Variants in JMJD1C observed in about 807,000 individuals in gnomAD.
JMJD1C encodes the protein jumonji domain-containing protein 1C.
Under a neutral mutation model 245.3 loss-of-function variants are expected in JMJD1C, and 31 were observed. The ratio of observed to expected loss-of-function variants is 0.13; its 90% confidence interval spans 0.09 to 0.17. JMJD1C has a LOEUF of 0.17. Among genes scored for constraint, JMJD1C ranks in the 10% least tolerant of loss-of-function variants. The probability of loss-of-function intolerance (pLI) is 1.00; values close to 1 mark genes in which losing one functional copy is unlikely to be tolerated. For synonymous variants in JMJD1C, 1,057 were observed against 1,017.4 expected, an observed-to-expected ratio of 1.04 and a Z score of -0.74; for missense variants, 2,691 against 3,000.2, an observed-to-expected ratio of 0.90 and a Z score of 2.41.
intron 2 of JMJD1C, among the ~76,000 whole-genome samples, chr10:63,357,126 TGGGTTCCA>T (rs1944914047): frequency 6.6e-6 from 1 of 150,928 alleles, no homozygotes; most frequent in Admixed American, 6.6e-5. Context: ...CTCTGCCTCC[TGGGTTCCA>T]GTGATTCTCC....
intron 19 of JMJD1C, 92 bp downstream of exon 19, chr10:63,186,123 T>C: frequency 3.0e-6 from 3 of 998,362 alleles, no homozygotes; most frequent in South Asian, 2.9e-5. Context: ...AAAACAGATG[T>C]TTCAAAGACT....
rs190576282 is a variant in JMJD1C, at chr10:63,243,015, T to G, written c.447+21636A>C. Among the ~76,000 whole-genome samples, 553 of 150,642 alleles carry G rather than the reference T, an allele frequency of 3.7e-3. 2 individuals carry two copies. The highest frequency in any genetic ancestry group is 0.013 in the African/African-American group (520 of 41,134). ...ACAAAATTGGGAATGGAGTCCAAGA[T>G]GGACTGTTGTTCTATTGCCAATTTC... On this transcript the variant is annotated intron_variant, in intron 3 of 25. Coordinates refer to ENST00000399262, the MANE Select transcript of JMJD1C (RefSeq NM_032776.3).
Position 63,223,863 on chromosome 10 carries a change from C to G in JMJD1C, c.448-3880G>C, listed in dbSNP as rs182546867. On this transcript the variant is annotated intron_variant, in intron 3 of 25. Coordinates refer to ENST00000399262, the MANE Select transcript of JMJD1C (RefSeq NM_032776.3). ...CCACCTCCCGGGTTCAAGAGATTCTCCTGCCTCAGCCTCCTGAGTACCTGG... is the reference window on the plus strand; with the variant it reads ...CCACCTCCCGGGTTCAAGAGATTCTGCTGCCTCAGCCTCCTGAGTACCTGG... Among the ~76,000 whole-genome samples the G allele has an allele frequency of 9.1e-3, 1,381 of 152,238 alleles. 12 individuals carry two copies. Among genetic ancestry groups the G allele is most frequent in the Non-Finnish European group, 0.014 (944 of 68,012 alleles).
chr10:63,314,791 G>C (rs1213689975), intron 2 of JMJD1C, among the ~76,000 whole-genome samples: 2 of 151,942 alleles, frequency 1.3e-5, no homozygotes, highest in Admixed American at 6.6e-5. Context: ...GGGATTATAG[G>C]CATGCACCAC....
Position 63,189,274 on chromosome 10 carries a change from C to G in JMJD1C, c.6464G>C (p.Ser2155Thr). ...SAVDENNKLY[S>T]DIPHSWICEK... ...ACAGATCCAAGAATGTGGTATATCACTGTATAATTTATTATTTTCATCCAC... is the reference window on the plus strand; with the variant it reads ...ACAGATCCAAGAATGTGGTATATCAGTGTATAATTTATTATTTTCATCCAC... The change falls in exon 18 of 26, where the codon AGT becomes ACT. Residue 2155 changes from serine (S) to threonine (T), a missense_variant. Ser to Thr is a moderately conservative substitution (Grantham distance 58). Coordinates refer to ENST00000399262, the MANE Select transcript of JMJD1C (RefSeq NM_032776.3). 1 of 1,613,424 alleles carries G rather than the reference C, an allele frequency of 6.2e-7. No homozygotes were observed. The highest frequency in any genetic ancestry group is 8.5e-7 in the Non-Finnish European group (1 of 1,179,516).
intron 1 of JMJD1C, among the ~76,000 whole-genome samples, chr10:63,394,987 A>G (rs1948376963): frequency 6.6e-6 from 1 of 152,214 alleles, no homozygotes; most frequent in South Asian, 2.1e-4. Flanking sequence ...GACTTGTATC[A>G]AGAATATATA....
At position 63,168,539 on chromosome 10, in the gene JMJD1C, C is replaced by T. The variant is rs1273984454; in HGVS notation, c.7429G>A (p.Val2477Ile). The change falls in exon 25 of 26, where the codon GTA becomes ATA. Residue 2477 changes from valine to isoleucine, a missense_variant. Physicochemically the swap from Val to Ile is conservative, Grantham distance 29. Around this residue, in one of 9 missense-constraint regions of JMJD1C, gnomAD observed 232 missense variants for 416.1 expected, o/e 0.56. Transcript: ENST00000399262. ...TCTGGAGACACAAAATCTTCAGTTA[C>T]CTGAATACAGCTGTGAAAATTCTGA... is the stretch of plus-strand genomic sequence containing the variant. The part of the protein sequence containing the change: ...QVQNFHSCIQ[V>I]TEDFVSPEHL... The T allele has an allele frequency of 1.2e-6, 2 of 1,607,312 alleles. No individual in the cohort carries two copies. The highest frequency in any genetic ancestry group is 1.3e-5 in the African/African-American group (1 of 74,636).
At chr10:63,463,044 T>C (rs1256084916) in intron 1 of JMJD1C, among the ~76,000 whole-genome samples, 2 of 152,206 alleles carry the variant, frequency 1.3e-5, no homozygotes, top group African/African-American at 4.8e-5. Flanking sequence ...ATGTCCTGCC[T>C]GGTGTATCCA....
intron 13 of JMJD1C, among the ~76,000 whole-genome samples, chr10:63,197,132 C>T (rs1350136140): frequency 3.3e-5 from 5 of 151,994 alleles, no homozygotes; most frequent in Non-Finnish European, 5.9e-5. Flanking sequence ...CTTAAAGCAA[C>T]AAGGCCTAAC....
At chr10:63,209,580 C>T (rs773673233) in intron 8 of JMJD1C, among the ~76,000 whole-genome samples, 8 of 152,050 alleles carry the variant, frequency 5.3e-5, no homozygotes, top group Admixed American at 2.6e-4. Flanking sequence ...AAGTATATTG[C>T]TAACAGTAAA....
chr10:63,253,481 T>A (rs188540884), intron 3 of JMJD1C, among the ~76,000 whole-genome samples: 1 of 151,596 alleles, frequency 6.6e-6, no homozygotes, highest in East Asian at 1.9e-4. Context: ...CCTCCCGGGC[T>A]CAAACGATTC....
At chr10:63,428,988 G>A (rs1194857824) in intron 1 of JMJD1C, among the ~76,000 whole-genome samples, 12 of 151,544 alleles carry the variant, frequency 7.9e-5, no homozygotes, top group African/African-American at 2.2e-4. Context: ...TTCTTTTGGT[G>A]GGGGGGAGGG....
intron 3 of JMJD1C, among the ~76,000 whole-genome samples, chr10:63,238,306 C>G (rs564334518): frequency 8.1e-4 from 122 of 151,418 alleles, no homozygotes; most frequent in Non-Finnish European, 1.6e-3. Flanking sequence ...CTTTACGATG[C>G]CTTTCAGCAT....
intron 1 of JMJD1C, among the ~76,000 whole-genome samples, chr10:63,420,904 A>T (rs556199209): frequency 5.4e-4 from 82 of 152,142 alleles, no homozygotes; most frequent in Non-Finnish European, 1.0e-3. Context: ...AACATTGTAT[A>T]ATGGAGACCA....
At chr10:63,417,747 T>TA (rs893859600) in intron 1 of JMJD1C, among the ~76,000 whole-genome samples, 3 of 152,078 alleles carry the variant, frequency 2.0e-5, no homozygotes, top group Non-Finnish European at 2.9e-5. Flanking sequence ...AATGAAAAAA[T>TA]AGAGAATTTA....
chr10:63,184,448 T>C (rs1463802507), intron 21 of JMJD1C, among the ~76,000 whole-genome samples, 160 bp downstream of exon 21: 1 of 152,130 alleles, frequency 6.6e-6, no homozygotes, highest in Admixed American at 6.5e-5. Flanking sequence ...TTCACCATGT[T>C]GACCAGGATG....
At chr10:63,330,058 G>A (rs1266361237) in intron 2 of JMJD1C, among the ~76,000 whole-genome samples, 3 of 151,886 alleles carry the variant, frequency 2.0e-5, no homozygotes, top group African/African-American at 4.8e-5. Flanking sequence ...GCGCCACCAC[G>A]CCCGGCTAAT....
intron 3 of JMJD1C, among the ~76,000 whole-genome samples, chr10:63,243,120 T>TATATATATATATATATATAA (rs1564668876): frequency 3.5e-5 from 3 of 86,644 alleles, no homozygotes; most frequent in South Asian, 3.8e-4. Flanking sequence ...TATATATATA[T>TATATATATATATATATATAA]ATATAAATAT....
chr10:63,247,901 C>T (rs1017185128), intron 3 of JMJD1C, among the ~76,000 whole-genome samples: 2 of 151,920 alleles, frequency 1.3e-5, no homozygotes, highest in Non-Finnish European at 2.9e-5. Context: ...CAAACTCATT[C>T]CTTGAGGCCA....
Sources: gnomAD v4.1 joint callset for allele counts (sites outside exome capture counted in the v4.1 genomes callset) on GRCh38, gnomAD v4.1.1 for gene constraint, gnomAD v4.1.1 regional missense constraint, MANE v1.5 for transcripts, NCBI Gene and HGNC (gene_info 2026-07-23, HGNC 2026-07-21) for gene names.